The following MSRA variants were observed in gnomAD, a reference collection of about 807,000 sequenced individuals.
The protein encoded by MSRA is methionine sulfoxide reductase A.
In MSRA, 54 loss-of-function variants were observed where a neutral mutation model predicts 31.3. The observed-to-expected ratio is 1.73, with a 90% CI of 1.39 to 2.17. The LOEUF (loss-of-function observed/expected upper bound fraction) is 2.17, where lower values mean the gene tolerates loss of function less well. MSRA is among the 30% of genes most tolerant of loss of function. MSRA has a pLI of 0.00. For synonymous variants in MSRA, 169 were observed against 116.5 expected (o/e 1.45, Z -2.90); for missense variants, 507 against 300.9 (o/e 1.69, Z -5.07).
chr8:10,265,789 C>T (rs1411285693), intron 3 of MSRA, among the ~76,000 whole-genome samples: 1 of 152,192 alleles, frequency 6.6e-6, no homozygotes, highest in Non-Finnish European at 1.5e-5. Flanking sequence ...CCCTGGTGCC[C>T]AGGCAACCTC....
At chr8:10,091,382 T>C (rs1177339859) in intron 1 of MSRA, among the ~76,000 whole-genome samples, 4 of 152,246 alleles carry the variant, frequency 2.6e-5, no homozygotes, top group Admixed American at 6.5e-5. Context: ...TATTATTTTT[T>C]GTGATGTCAC....
At chr8:10,320,915 C>T (rs1415865707) in intron 5 of MSRA, among the ~76,000 whole-genome samples, 1 of 152,206 alleles carries the variant, frequency 6.6e-6, no homozygotes, top group African/African-American at 2.4e-5. Context: ...TGCTAACCCT[C>T]ATGACCTCGT....
At chr8:10,268,280 A>G (rs1798848970) in intron 3 of MSRA, among the ~76,000 whole-genome samples, 1 of 152,196 alleles carries the variant, frequency 6.6e-6, no homozygotes, top group African/African-American at 2.4e-5. Context: ...CTTCTTTCTC[A>G]TCTAATAAAA....
At chr8:10,211,806 C>T (rs948256726) in intron 2 of MSRA, among the ~76,000 whole-genome samples, 1 of 152,108 alleles carries the variant, frequency 6.6e-6, no homozygotes, top group Admixed American at 6.6e-5. Context: ...CCGTTGGCCA[C>T]GGTCCACTCT....
intron 3 of MSRA, among the ~76,000 whole-genome samples, chr8:10,271,960 GACCTC>G (rs2129100951): frequency 6.6e-6 from 1 of 152,198 alleles, no homozygotes; most frequent in Non-Finnish European, 1.5e-5. Context: ...CGCACACCTC[GACCTC>G]CCAAAGTGCT....
chr8:10,419,293 G>A, intron 5 of MSRA, among the ~76,000 whole-genome samples: 1 of 152,144 alleles, frequency 6.6e-6, no homozygotes, highest in East Asian at 1.9e-4. Context: ...GATGTGGGAG[G>A]GGGCATGGAA....
At chr8:10,119,106 A>G (rs1387894403) in intron 1 of MSRA, among the ~76,000 whole-genome samples, 3 of 152,218 alleles carry the variant, frequency 2.0e-5, no homozygotes, top group Non-Finnish European at 1.5e-5. Context: ...GTATATCTGC[A>G]TAGACTTTTC....
chr8:10,256,773 C>G (rs1757742187), intron 3 of MSRA, among the ~76,000 whole-genome samples: 1 of 152,014 alleles, frequency 6.6e-6, no homozygotes, highest in South Asian at 2.1e-4. Context: ...TCTCTGTCCC[C>G]CCGAGGCGAA....
At chr8:10,290,758 T>C (rs1800190599) in intron 3 of MSRA, among the ~76,000 whole-genome samples, 1 of 152,208 alleles carries the variant, frequency 6.6e-6, no homozygotes, top group Admixed American at 6.5e-5. Flanking sequence ...TTCAGTAGCA[T>C]CAAGGAATCA....
intron 5 of MSRA, among the ~76,000 whole-genome samples, chr8:10,360,485 G>C (rs748726360): frequency 6.6e-6 from 1 of 152,292 alleles, no homozygotes; most frequent in Non-Finnish European, 1.5e-5. Flanking sequence ...TTTTCTGGGA[G>C]ACATTGGAAG....
chr8:10,230,596 G>C (rs186895824), intron 2 of MSRA, among the ~76,000 whole-genome samples: 1 of 152,280 alleles, frequency 6.6e-6, no homozygotes, highest in South Asian at 2.1e-4. Flanking sequence ...TTTTCTTCCA[G>C]ACTATCTGTC....
chr8:10,311,099 A>T (rs1386631472), intron 4 of MSRA, among the ~76,000 whole-genome samples: 3 of 152,238 alleles, frequency 2.0e-5, no homozygotes, highest in South Asian at 2.1e-4. Flanking sequence ...AGAGTACTGA[A>T]TTAGGTCACA....
intron 1 of MSRA, among the ~76,000 whole-genome samples, chr8:10,057,713 C>T (rs768496618): frequency 2.6e-5 from 4 of 152,108 alleles, no homozygotes; most frequent in African/African-American, 9.7e-5. Context: ...TGTAGCTTGC[C>T]CCTTTGCGCT....
chr8:10,209,655 C>G (rs914112226), intron 2 of MSRA, among the ~76,000 whole-genome samples: 1 of 152,230 alleles, frequency 6.6e-6, no homozygotes, highest in African/African-American at 2.4e-5. Flanking sequence ...CGGGCAACTT[C>G]CCCTCTCTAA....
At chr8:10,091,953 T>C (rs1440511363) in intron 1 of MSRA, among the ~76,000 whole-genome samples, 1 of 152,144 alleles carries the variant, frequency 6.6e-6, no homozygotes, top group African/African-American at 2.4e-5. Context: ...CTGTTTTCCA[T>C]AATGGCTGTA....
rs1471138087 is a variant in MSRA at position 10,266,820 on chromosome 8, T to G, written c.331+21597T>G. ...ATTGGATCTGTGGATTAAGGTCACT[T>G]TACCCACCGATGGTGACAGAAGTCT... On this transcript the variant is annotated intron_variant, in intron 3 of 5. Transcript: ENST00000317173. Among the ~76,000 whole-genome samples, 10 of 152,216 alleles carry G rather than the reference T, an allele frequency of 6.6e-5. No homozygotes were observed. In the East Asian group the frequency reaches 1.9e-3, roughly 29 times the overall value.
At chr8:10,129,922 A>G (rs987181860) in intron 1 of MSRA, among the ~76,000 whole-genome samples, 2 of 152,220 alleles carry the variant, frequency 1.3e-5, no homozygotes, top group Non-Finnish European at 2.9e-5. Flanking sequence ...ATATCTATAT[A>G]TAAAACCTGT....
At chr8:10,306,388 A>G (rs1019937438) in intron 4 of MSRA, among the ~76,000 whole-genome samples, 24 of 152,176 alleles carry the variant, frequency 1.6e-4, no homozygotes, top group African/African-American at 2.2e-4. Context: ...CAACAATACA[A>G]TTCCATCAGA....
chr8:10,086,649 G>A (rs755651909), intron 1 of MSRA, among the ~76,000 whole-genome samples: 6 of 152,080 alleles, frequency 3.9e-5, no homozygotes, highest in Non-Finnish European at 8.8e-5. Context: ...TTATTGTGGC[G>A]GTTGTTATTA....
Sources: allele counts gnomAD v4.1 joint callset (sites outside exome capture counted in the v4.1 genomes callset), GRCh38; gene constraint gnomAD v4.1.1; transcripts MANE v1.5; gene names NCBI Gene and HGNC (gene_info 2026-07-23, HGNC 2026-07-21).